The following TUT4 variants were observed in gnomAD, a reference collection of about 807,000 sequenced individuals.
TUT4 encodes the protein terminal uridylyltransferase 4.
Under a neutral mutation model 192.2 loss-of-function variants are expected in TUT4, and 36 were observed. That is an observed-to-expected ratio of 0.19 (90% CI 0.14 to 0.25). The LOEUF (loss-of-function observed/expected upper bound fraction) is 0.25, where lower values mean the gene tolerates loss of function less well. Ranked by LOEUF, TUT4 falls within the 10% of genes least tolerant of loss-of-function variation. TUT4 has a pLI of 1.00. For missense variants in TUT4, 1,493 were observed against 1,957.2 expected (o/e 0.76, Z 4.47); for synonymous variants, 618 against 666.0 (o/e 0.93, Z 1.11).
intron 28 of TUT4, 70 bp from the exon 29 acceptor site, chr1:52,425,577 C>T (rs1649602640): frequency 6.7e-7 from 1 of 1,494,840 alleles, no homozygotes; most frequent in East Asian, 2.4e-5. Context: ...CCCTTCATTC[C>T]ACAAAGATAT....
intron 14 of TUT4, among the ~76,000 whole-genome samples, chr1:52,471,485 G>A (rs1001650147): frequency 7.2e-5 from 11 of 152,160 alleles, no homozygotes; most frequent in African/African-American, 2.6e-4. Context: ...TTCCAATTAT[G>A]GCAATTTACA....
intron 24 of TUT4, among the ~76,000 whole-genome samples, chr1:52,444,352 C>T (rs896130437): frequency 6.6e-6 from 1 of 152,102 alleles, no homozygotes; most frequent in Admixed American, 6.5e-5. Flanking sequence ...ATTATTACCC[C>T]ATAAGAGGCT....
At chr1:52,545,341 C>T (rs1687784765) in intron 1 of TUT4, among the ~76,000 whole-genome samples, 1 of 149,842 alleles carries the variant, frequency 6.7e-6, no homozygotes, top group South Asian at 2.1e-4. Context: ...TGCGCCACTG[C>T]TCTACAGTCT....
At position 52,540,393 on chromosome 1, in the gene TUT4, G is replaced by A. The variant is rs575271691; in HGVS notation, c.-94+12538C>T. 3.3e-5 allele frequency among the ~76,000 whole-genome samples: 5 copies of A among 151,368 alleles called. No homozygotes were observed. The South Asian group carries it at 1.0e-3, about 32-fold the overall frequency. On this transcript the variant is annotated intron_variant, in intron 1 of 29. Transcript: ENST00000257177. ...TTGCAGGGTGTGGTGGCATGCACCT[G>A]TAGTCCGACTTCTCAGGAGGCTGAG...
In TUT4 at chr1:52,475,541, A is replaced by G. The variant is rs1320122744; in HGVS notation, c.2024-6T>C. 5 of 1,599,454 alleles carry G rather than the reference A, an allele frequency of 3.1e-6. No individual in the cohort carries two copies. Among genetic ancestry groups the G allele is most frequent in the African/African-American group, 2.7e-5 (2 of 74,372 alleles). On this transcript the variant is annotated splice_region_variant and splice_polypyrimidine_tract_variant and intron_variant, in intron 12 of 29. Transcript: ENST00000257177. ...CCTCTTGACTGAAAATGGATCTAGC[A>G]AAAGAGAAAATGGTAAATAGCTAAG...
At chr1:52,476,859 T>C (rs954162976) in intron 12 of TUT4, among the ~76,000 whole-genome samples, 2 of 152,206 alleles carry the variant, frequency 1.3e-5, no homozygotes, top group African/African-American at 2.4e-5. Context: ...CGGACATAAA[T>C]TCAATTTCTT....
At chr1:52,469,527 G>A (rs1433293461) in intron 14 of TUT4, among the ~76,000 whole-genome samples, 4 of 152,152 alleles carry the variant, frequency 2.6e-5, no homozygotes, top group Non-Finnish European at 5.9e-5. Context: ...GGGCTAAAAC[G>A]AGCCATGTGG....
intron 28 of TUT4, 55 bp from the exon 29 acceptor site, chr1:52,425,562 A>C (rs930138624): frequency 2.0e-6 from 3 of 1,524,952 alleles, no homozygotes; most frequent in African/African-American, 2.8e-5. Context: ...CATTCATTGA[A>C]ATATCCCTTC....
At chr1:52,435,221 C>T (rs1352392378) in intron 27 of TUT4, 144 bp downstream of exon 27, 3 of 513,066 alleles carry the variant, frequency 5.8e-6, no homozygotes, top group Non-Finnish European at 9.8e-6. Flanking sequence ...CTCATTCCAC[C>T]TTATGTGCCT....
Position 52,479,681 on chromosome 1 carries a change from T to C in TUT4, c.1848+1742A>G, listed in dbSNP as rs193121953. ...TGAGGGGAGGATCAGGAATTCAGTT[T>C]AGACACATTAAGTTTAAGACATCTA... is the stretch of plus-strand genomic sequence containing the variant. On this transcript the variant is annotated intron_variant, in intron 11 of 29. Transcript: ENST00000257177. 2.6e-5 allele frequency among the ~76,000 whole-genome samples: 4 copies of C among 152,240 alleles called. No homozygotes were observed. In the East Asian group the frequency reaches 5.8e-4, roughly 22 times the overall value.
chr1:52,529,221 C>G (rs1682682056), intron 1 of TUT4, among the ~76,000 whole-genome samples: 1 of 151,918 alleles, frequency 6.6e-6, no homozygotes, highest in Non-Finnish European at 1.5e-5. Flanking sequence ...TTAAACCACA[C>G]TACATTTTCA....
At chr1:52,503,966 C>T (rs1674838114) in intron 4 of TUT4, among the ~76,000 whole-genome samples, 1 of 152,212 alleles carries the variant, frequency 6.6e-6, no homozygotes, top group Admixed American at 6.5e-5. Flanking sequence ...ACCTGAATCT[C>T]CAACTGCTAA....
At chr1:52,498,618 G>A (rs1165829752) in intron 4 of TUT4, among the ~76,000 whole-genome samples, 1 of 151,700 alleles carries the variant, frequency 6.6e-6, no homozygotes, top group Non-Finnish European at 1.5e-5. Context: ...CGGATGCAGC[G>A]GCTCACATGT....
chr1:52,523,699 T>C (rs960568262), intron 2 of TUT4, among the ~76,000 whole-genome samples: 1 of 152,176 alleles, frequency 6.6e-6, no homozygotes, highest in Non-Finnish European at 1.5e-5. Context: ...TTACCAGTAT[T>C]ATCACTTATT....
At chr1:52,442,167 C>CAAAAAAAAAAA (rs58552556) in intron 24 of TUT4, among the ~76,000 whole-genome samples, 3 of 76,358 alleles carry the variant, frequency 3.9e-5, no homozygotes, top group African/African-American at 1.0e-4. Flanking sequence ...GACTCCACCT[C>CAAAAAAAAAAA]AAAAAAAAAA....
chr1:52,453,863 A>G (rs1230188560), intron 20 of TUT4, among the ~76,000 whole-genome samples: 2 of 152,250 alleles, frequency 1.3e-5, no homozygotes, highest in Non-Finnish European at 2.9e-5. Flanking sequence ...TACTCCAAGA[A>G]TAAGCAATTA....
chr1:52,487,847 C>T (rs181688935), intron 9 of TUT4, among the ~76,000 whole-genome samples: 3 of 152,198 alleles, frequency 2.0e-5, no homozygotes, highest in South Asian at 2.1e-4. Context: ...GTAAAATAAG[C>T]GGAAGTGGGG....
intron 15 of TUT4, among the ~76,000 whole-genome samples, chr1:52,466,665 T>A (rs760353310): frequency 9.1e-5 from 12 of 132,166 alleles, no homozygotes; most frequent in South Asian, 2.2e-4. Flanking sequence ...AAAAAATATA[T>A]ATATATATAT....
chr1:52,448,291 A>C (rs1658188080), intron 20 of TUT4, among the ~76,000 whole-genome samples: 1 of 152,226 alleles, frequency 6.6e-6, no homozygotes, highest in South Asian at 2.1e-4. Flanking sequence ...TCATAAAACA[A>C]AAGTGAAAGA....
Sources: allele counts gnomAD v4.1 joint callset (sites outside exome capture counted in the v4.1 genomes callset), GRCh38; gene constraint gnomAD v4.1.1; transcripts MANE v1.5; gene names NCBI Gene and HGNC (gene_info 2026-07-23, HGNC 2026-07-21).